The following CPN1 variants were observed in gnomAD, a reference collection of about 807,000 sequenced individuals.
CPN1 encodes the protein carboxypeptidase N catalytic chain.
CPN1 carries 37 observed loss-of-function variants against 46.4 expected under a neutral mutation model. That is an observed-to-expected ratio of 0.80 (90% CI 0.61 to 1.05). The LOEUF (loss-of-function observed/expected upper bound fraction) is 1.05. CPN1 is among the 50% of genes least tolerant of loss of function. The pLI is 0.00. For missense variants in CPN1, 563 were observed against 602.6 expected, an observed-to-expected ratio of 0.93 and a Z score of 0.69; for synonymous variants, 224 against 235.4, an observed-to-expected ratio of 0.95 and a Z score of 0.44.
chr10:100,065,248 C>T lies in CPN1; in HGVS notation c.699G>A (p.Arg233=), dbSNP rs753622747. Residue 233 remains arginine (R), a synonymous_variant, in exon 4 of 9, where the codon CGG becomes CGA. Coordinates refer to ENST00000370418, the MANE Select transcript of CPN1 (RefSeq NM_001308.3). ...NYPYDKSFEH[R]VRGVRRTAST... ...TGGCGGTGCGGCGGACCCCTCGGAC[C>T]CGGTGCTCAAAGGACTTGTCATACG... 1.9e-6 allele frequency: 3 copies of T among 1,614,124 alleles called. No individual in the cohort carries two copies. The highest frequency in any genetic ancestry group is 1.3e-5 in the African/African-American group (1 of 75,018).
chr10:100,056,716 TC>T (rs1435028786), intron 6 of CPN1, among the ~76,000 whole-genome samples: 45 of 142,294 alleles, frequency 3.2e-4, no homozygotes, highest in South Asian at 2.2e-3. Context: ...TGCTTGGCTA[TC>T]TTTTTTTTTT....
chr10:100,079,676 G>C (rs57319848), intron 1 of CPN1, among the ~76,000 whole-genome samples: 5,361 of 152,312 alleles, frequency 0.035, 321 homozygotes, highest in African/African-American at 0.12. Context: ...GAATCCCATG[G>C]CCAGTCCATT....
chr10:100,042,489 C>T lies in CPN1; in HGVS notation c.1315G>A (p.Val439Met). 6.2e-7 allele frequency: 1 copy of T among 1,613,904 alleles called. No homozygotes were observed. The highest frequency in any genetic ancestry group is 8.5e-7 in the Non-Finnish European group (1 of 1,180,006). Reference sequence around the variant, plus strand: ...TCTTTCTTTCTGGCTTGGGGCTGCACTTTGGCTCTGACTCCGTGCCTTCTG... The same window carrying T: ...TCTTTCTTTCTGGCTTGGGGCTGCATTTTGGCTCTGACTCCGTGCCTTCTG... Reference protein sequence around the residue: ...PSRRHGVRAKVQPQARKKEME... With the variant: ...PSRRHGVRAKMQPQARKKEME... Residue 439 changes from valine (V) to methionine (M), a missense_variant, in exon 9 of 9, where the codon GTG (valine) becomes ATG (methionine). By Grantham distance (21) the Val-to-Met change is conservative (BLOSUM62 1). Transcript: ENST00000370418.
chr10:100,054,317 C>T, intron 7 of CPN1, 30 bp downstream of exon 7: 1 of 1,551,534 alleles, frequency 6.4e-7, no homozygotes, highest in Non-Finnish European at 8.9e-7. Flanking sequence ...GTTAACGCTT[C>T]CTTCTTACCC....
At chr10:100,078,356 A>G (rs1258504891) in intron 1 of CPN1, among the ~76,000 whole-genome samples, 1 of 152,208 alleles carries the variant, frequency 6.6e-6, no homozygotes, top group African/African-American at 2.4e-5. Flanking sequence ...CTTTCAATAT[A>G]TCTGGAACAC....
In CPN1 at chr10:100,069,760, C is replaced by A. The variant is rs748702726; in HGVS notation, c.530G>T (p.Gly177Val). The change falls in exon 3 of 9, where the codon GGA (glycine) becomes GTA (valine). Residue 177 changes from glycine (G) to valine (V), a missense_variant. Physicochemically the swap from Gly to Val is moderately radical, Grantham distance 109 (BLOSUM62 -3). Coordinates refer to ENST00000370418, the MANE Select transcript of CPN1 (RefSeq NM_001308.3). ...NTYIYYNEKYGGPNHHLPLPD... is the reference protein window; with the variant it reads ...NTYIYYNEKYVGPNHHLPLPD... ...AAGGGGCAGGTGGTGGTTGGGGCCT[C>A]CGTACTTCTCGTTATAGTAGATATA... The A allele has an allele frequency of 6.2e-7, 1 of 1,613,728 alleles. No homozygotes were observed. The highest frequency in any genetic ancestry group is 1.3e-5 in the African/African-American group (1 of 74,800).
rs756320173 is a variant in CPN1 at position 100,069,751 on chromosome 10, T to G, written c.539A>C (p.Asn180Thr). ...GTTGTCTGGAAGGGGCAGGTGGTGG[T>G]TGGGGCCTCCGTACTTCTCGTTATA... ...IYYNEKYGGP[N>T]HHLPLPDNWK... Residue 180 changes from asparagine to threonine, a missense_variant, in exon 3 of 9, where the codon AAC becomes ACC. Asn to Thr is a moderately conservative substitution (Grantham distance 65). Transcript: ENST00000370418. 2 of 1,613,852 alleles carry G rather than the reference T, an allele frequency of 1.2e-6. No individual in the cohort carries two copies. Among genetic ancestry groups the G allele is most frequent in the Non-Finnish European group, 1.7e-6 (2 of 1,180,008 alleles).
At chr10:100,080,500 C>T (rs2041538611) in intron 1 of CPN1, among the ~76,000 whole-genome samples, 1 of 152,176 alleles carries the variant, frequency 6.6e-6, no homozygotes, top group African/African-American at 2.4e-5. Context: ...AATACATTAA[C>T]AGTGGTGGGA....
chr10:100,072,539 C>G (rs925913080), intron 2 of CPN1, among the ~76,000 whole-genome samples: 4 of 152,154 alleles, frequency 2.6e-5, no homozygotes, highest in Non-Finnish European at 4.4e-5. Flanking sequence ...ACTCCTCCCC[C>G]CTTCAAAAAA....
chr10:100,053,437 A>T (rs538538730), intron 7 of CPN1, among the ~76,000 whole-genome samples: 1 of 152,126 alleles, frequency 6.6e-6, no homozygotes, highest in African/African-American at 2.4e-5. Flanking sequence ...CAGCCTGGGC[A>T]ACATGGTGAA....
At chr10:100,070,071 C>A (rs1482580133) in intron 2 of CPN1, among the ~76,000 whole-genome samples, 1 of 151,930 alleles carries the variant, frequency 6.6e-6, no homozygotes, top group Non-Finnish European at 1.5e-5. Flanking sequence ...TACAAGCACA[C>A]ACCACCACAC....
chr10:100,067,042 T>G (rs986738831), intron 3 of CPN1, among the ~76,000 whole-genome samples: 1 of 152,260 alleles, frequency 6.6e-6, no homozygotes, highest in African/African-American at 2.4e-5. Flanking sequence ...TACCTTATTT[T>G]ACTTAGAGAA....
intron 2 of CPN1, among the ~76,000 whole-genome samples, chr10:100,070,425 T>C (rs1321381505): frequency 6.6e-6 from 1 of 152,072 alleles, no homozygotes; most frequent in Non-Finnish European, 1.5e-5. Context: ...GAGGTTGCAA[T>C]GGGCCAAGAA....
chr10:100,058,675 C>T (rs2041399157), intron 5 of CPN1, among the ~76,000 whole-genome samples: 1 of 152,032 alleles, frequency 6.6e-6, no homozygotes, highest in Non-Finnish European at 1.5e-5. Context: ...AAATAGAAAG[C>T]CCATCCTAAA....
At chr10:100,070,863 C>A (rs531204937) in intron 2 of CPN1, among the ~76,000 whole-genome samples, 9 of 152,280 alleles carry the variant, frequency 5.9e-5, no homozygotes, top group African/African-American at 2.2e-4. Context: ...AGTATGTTTA[C>A]GGAGTTGTAT....
intron 8 of CPN1, among the ~76,000 whole-genome samples, chr10:100,045,994 G>T (rs548328474): frequency 1.4e-4 from 22 of 152,260 alleles, no homozygotes; most frequent in Middle Eastern, 3.4e-3. Flanking sequence ...GAAATCTGAG[G>T]ATTAGTGTCT....
rs538538730 is a variant in CPN1 at position 100,053,437 on chromosome 10, A to G, written c.1111+910T>C. Among the ~76,000 whole-genome samples, 5 of 152,244 alleles carry G rather than the reference A, an allele frequency of 3.3e-5. No individual in the cohort carries two copies. In the East Asian group the frequency reaches 9.6e-4, roughly 29 times the overall value. ...CAAGGAGCTTGAAACCAGCCTGGGC[A>G]ACATGGTGAAACCCCATCTCTACAA... On this transcript the variant is annotated intron_variant, in intron 7 of 8. Coordinates refer to ENST00000370418, the MANE Select transcript of CPN1 (RefSeq NM_001308.3).
At chr10:100,081,254 G>C in intron 1 of CPN1, 149 bp downstream of exon 1, 2 of 730,718 alleles carry the variant, frequency 2.7e-6, no homozygotes. Context: ...GGCAGTTTGA[G>C]GGCTAAGAGG....
rs941110435 is a variant in CPN1 at position 100,042,508 on chromosome 10, C to T, written c.1296G>A (p.Arg432=). The T allele has an allele frequency of 6.2e-7, 1 of 1,613,932 alleles. No individual in the cohort carries two copies. Among genetic ancestry groups the T allele is most frequent in the Non-Finnish European group, 8.5e-7 (1 of 1,180,016 alleles). ...GCTGCACTTTGGCTCTGACTCCGTG[C>T]CTTCTGCTGGGAGCTCTCCTCACAG... ...VSPVRRAPSR[R]HGVRAKVQPQ... Residue 432 remains arginine, a synonymous_variant, in exon 9 of 9, where the codon AGG becomes AGA. Coordinates refer to ENST00000370418, the MANE Select transcript of CPN1 (RefSeq NM_001308.3).
Sources: gnomAD v4.1 joint callset for allele counts (sites outside exome capture counted in the v4.1 genomes callset) on GRCh38, gnomAD v4.1.1 for gene constraint, MANE v1.5 for transcripts, NCBI Gene and HGNC (gene_info 2026-07-23, HGNC 2026-07-21) for gene names.